The following C2CD3 variants were observed in gnomAD, a reference collection of about 807,000 sequenced individuals.
C2CD3 encodes the protein C2 domain-containing protein 3.
Under a neutral mutation model 234.0 loss-of-function variants are expected in C2CD3, and 148 were observed. The ratio of observed to expected loss-of-function variants is 0.63; its 90% CI spans 0.55 to 0.72. The LOEUF is 0.72. C2CD3 is among the 30% of genes least tolerant of loss of function. The pLI is 0.00. For missense variants in C2CD3, 2,577 were observed against 2,811.5 expected (o/e 0.92, Z 1.89); for synonymous variants, 1,000 against 1,035.4 (o/e 0.97, Z 0.66).
chr11:74,114,268 T>C, intron 10 of C2CD3, 116 bp downstream of exon 10: 1 of 725,258 alleles, frequency 1.4e-6, no homozygotes, highest in Non-Finnish European at 2.4e-6. Flanking sequence ...TTCTGTAGAT[T>C]AAATGATGCA....
chr11:74,156,791 G>A (rs1428017955), intron 3 of C2CD3, among the ~76,000 whole-genome samples: 1 of 152,162 alleles, frequency 6.6e-6, no homozygotes, highest in East Asian at 1.9e-4. Context: ...CCAACAGGGT[G>A]AAAACCTGTC....
chr11:74,034,707 C>T, intron 30 of C2CD3: 2 of 960,318 alleles, frequency 2.1e-6, no homozygotes, highest in Admixed American at 1.8e-5. Flanking sequence ...AAGGAAATAT[C>T]TATCACCCAT....
intron 29 of C2CD3, among the ~76,000 whole-genome samples, chr11:74,040,534 G>GGCCGAGGCAGGTGGA (rs1272420915): frequency 6.6e-6 from 1 of 151,860 alleles, no homozygotes; most frequent in Non-Finnish European, 1.5e-5. Flanking sequence ...GCACTTTGGG[G>GGCCGAGGCAGGTGGA]TCACGAGGTC....
chr11:74,156,349 C>A (rs1856017588), intron 3 of C2CD3, among the ~76,000 whole-genome samples: 1 of 150,652 alleles, frequency 6.6e-6, no homozygotes, highest in South Asian at 2.1e-4. Flanking sequence ...GTAGTCCCCA[C>A]TACTAGGGAG....
chr11:74,139,869 T>A, intron 3 of C2CD3, 41 bp from the exon 4 acceptor site: 1 of 1,192,382 alleles, frequency 8.4e-7, no homozygotes, highest in Admixed American at 1.7e-5. Context: ...TTCTTTAGCA[T>A]TGATTAACTA....
intron 11 of C2CD3, among the ~76,000 whole-genome samples, chr11:74,111,357 G>T (rs1956736635): frequency 6.6e-6 from 1 of 152,038 alleles, no homozygotes; most frequent in African/African-American, 2.4e-5. Flanking sequence ...ATGCCAGAGT[G>T]GAAAATACCA....
At chr11:74,091,737 T>C (rs1033717932) in intron 19 of C2CD3, among the ~76,000 whole-genome samples, 9 of 152,156 alleles carry the variant, frequency 5.9e-5, no homozygotes, top group Non-Finnish European at 8.8e-5. Context: ...GGAATAACAA[T>C]TCTCTGAGTG....
intron 3 of C2CD3, among the ~76,000 whole-genome samples, chr11:74,154,594 G>A (rs1855887714): frequency 6.6e-6 from 1 of 152,166 alleles, no homozygotes. Context: ...AGTATCGGGG[G>A]TTGATACATT....
intron 14 of C2CD3, among the ~76,000 whole-genome samples, chr11:74,102,631 A>G (rs553732742): frequency 6.6e-5 from 10 of 152,340 alleles, no homozygotes; most frequent in African/African-American, 1.7e-4. Flanking sequence ...TTCTGGCCCA[A>G]TGACTGAAAA....
rs991389168 is a variant in C2CD3, at chr11:74,161,012, A to G, written c.483+387T>C. Among the ~76,000 whole-genome samples, 31 of 152,220 alleles carry G rather than the reference A, an allele frequency of 2.0e-4. 1 individual carries two copies. Among genetic ancestry groups the G allele is most frequent in the Non-Finnish European group, 7.3e-5 (5 of 68,032 alleles). ...GTGAAAAACAAAGAAAAGAGAAAAC[A>G]AAGGCTTGCCTCTCAGGGAATCTAG... On this transcript the variant is annotated intron_variant, in intron 3 of 32. Transcript: ENST00000334126.
At chr11:74,132,451 A>G (rs774106705) in intron 7 of C2CD3, among the ~76,000 whole-genome samples, 3 of 152,362 alleles carry the variant, frequency 2.0e-5, no homozygotes, top group African/African-American at 4.8e-5. Context: ...ACAATTTTGC[A>G]AAGTTAGGTA....
At chr11:74,163,030 A>C (rs921461293) in intron 2 of C2CD3, among the ~76,000 whole-genome samples, 7 of 152,228 alleles carry the variant, frequency 4.6e-5, no homozygotes, top group Admixed American at 3.9e-4. Context: ...AGAGGAGAAG[A>C]AATATAATGT....
intron 32 of C2CD3, among the ~76,000 whole-genome samples, chr11:74,021,347 G>A (rs1952075926): frequency 6.6e-6 from 1 of 152,204 alleles, no homozygotes; most frequent in African/African-American, 2.4e-5. Flanking sequence ...AAATGGATTT[G>A]GGAATAAAAT....
At chr11:74,127,903 C>T (rs1297431253) in intron 7 of C2CD3, among the ~76,000 whole-genome samples, 1 of 151,860 alleles carries the variant, frequency 6.6e-6, no homozygotes, top group Non-Finnish European at 1.5e-5. Flanking sequence ...CACTCTGTCG[C>T]CCAGGCTGGA....
chr11:74,055,559 G>A (rs1411601757), intron 25 of C2CD3, among the ~76,000 whole-genome samples: 1 of 152,180 alleles, frequency 6.6e-6, no homozygotes, highest in Non-Finnish European at 1.5e-5. Context: ...GTGCTAAAGT[G>A]AAACAAATAT....
intron 11 of C2CD3, 104 bp from the exon 12 acceptor site, chr11:74,109,256 T>C (rs2135504012): frequency 3.1e-6 from 2 of 641,602 alleles, no homozygotes; most frequent in South Asian, 2.2e-5. Flanking sequence ...TTAATTAAAA[T>C]CTCCTGCAGA....
intron 24 of C2CD3, among the ~76,000 whole-genome samples, chr11:74,059,204 A>G (rs1278440480): frequency 6.6e-6 from 1 of 151,986 alleles, no homozygotes; most frequent in African/African-American, 2.4e-5. Flanking sequence ...TGTCTAGCTC[A>G]AGAATTCTCT....
chr11:74,037,381 T>C, intron 30 of C2CD3, 97 bp downstream of exon 30: 2 of 977,188 alleles, frequency 2.0e-6, no homozygotes, highest in Non-Finnish European at 3.2e-6. Flanking sequence ...TGGTCTCTAT[T>C]TGTCATAGGG....
intron 22 of C2CD3, among the ~76,000 whole-genome samples, chr11:74,081,690 CTTCT>C (rs1193618828): frequency 2.6e-5 from 4 of 152,138 alleles, no homozygotes; most frequent in South Asian, 2.1e-4. Context: ...ATGTCTTGAG[CTTCT>C]TTGTTTTATT....
Sources: gnomAD v4.1 joint callset for allele counts (sites outside exome capture counted in the v4.1 genomes callset) on GRCh38, gnomAD v4.1.1 for gene constraint, MANE v1.5 for transcripts, NCBI Gene and HGNC (gene_info 2026-07-23, HGNC 2026-07-21) for gene names.